The following ZNF423 variants were observed in gnomAD, a reference collection of about 807,000 sequenced individuals.
ZNF423 encodes the protein zinc finger protein 423.
ZNF423 carries 12 observed loss-of-function variants against 95.8 expected under a neutral mutation model. The ratio of observed to expected loss-of-function variants is 0.13; its 90% CI spans 0.08 to 0.20. The LOEUF (loss-of-function observed/expected upper bound fraction) is 0.20. Ranked by LOEUF, ZNF423 falls within the 10% of genes least tolerant of loss-of-function variation. The probability of loss-of-function intolerance (pLI) is 1.00; values close to 1 mark genes in which losing one functional copy is unlikely to be tolerated. For synonymous variants in ZNF423, 749 were observed against 711.9 expected (o/e 1.05, Z -0.83); for missense variants, 1,316 against 1,737.1 (o/e 0.76, Z 4.31).
At chr16:49,514,650 C>G (rs558786550) in intron 7 of ZNF423, among the ~76,000 whole-genome samples, 1 of 152,166 alleles carries the variant, frequency 6.6e-6, no homozygotes, top group Non-Finnish European at 1.5e-5. Context: ...TGCTTTTAAT[C>G]AATTGTAATC....
chr16:49,644,193 C>T (rs1973081448), intron 3 of ZNF423, among the ~76,000 whole-genome samples: 1 of 152,228 alleles, frequency 6.6e-6, no homozygotes, highest in African/African-American at 2.4e-5. Context: ...CAGTGGGGGG[C>T]ACACATGGAA....
chr16:49,636,743 G>A lies in ZNF423; in HGVS notation c.2433C>T (p.His811=), dbSNP rs1182978338. 8 of 1,614,006 alleles carry A rather than the reference G, an allele frequency of 5.0e-6. No individual in the cohort carries two copies. The highest frequency in any genetic ancestry group is 5.9e-6 in the Non-Finnish European group (7 of 1,180,038). The change falls in exon 4 of 8, where the codon CAC becomes CAT. Residue 811 remains histidine (H), a synonymous_variant. Transcript: ENST00000563137. This position sits in a 1 kb window ranked among gnomAD's most constrained non-coding sequence, Gnocchi z 8.6. ...EVELQCHITT[H]SKKYNCKFCS... Reference sequence around the variant, plus strand: ...AGAACTTACAGTTATACTTCTTGCTGTGTGTGGTGATGTGGCACTGCAGCT... The same window carrying A: ...AGAACTTACAGTTATACTTCTTGCTATGTGTGGTGATGTGGCACTGCAGCT...
chr16:49,707,443 G>A (rs183141155), intron 3 of ZNF423, among the ~76,000 whole-genome samples: 128 of 152,020 alleles, frequency 8.4e-4, no homozygotes, highest in Middle Eastern at 3.4e-3. Context: ...TTGAAACCCC[G>A]TCTCTAATAA....
At chr16:49,691,576 C>CA (rs2031783578) in intron 3 of ZNF423, among the ~76,000 whole-genome samples, 1 of 151,946 alleles carries the variant, frequency 6.6e-6, no homozygotes, top group Non-Finnish European at 1.5e-5. Context: ...ACTAAACATA[C>CA]AAAAAATTAG....
At chr16:49,594,943 G>A (rs1971135540) in intron 5 of ZNF423, among the ~76,000 whole-genome samples, 1 of 152,160 alleles carries the variant, frequency 6.6e-6, no homozygotes, top group African/African-American at 2.4e-5. Flanking sequence ...ACTGGACCTT[G>A]GTCAGTTGCT....
intron 2 of ZNF423, among the ~76,000 whole-genome samples, chr16:49,768,252 G>A (rs1270460663): frequency 1.3e-5 from 2 of 152,310 alleles, no homozygotes; most frequent in Admixed American, 6.5e-5. Context: ...GGGGCGCGGC[G>A]CGGACACCCC....
In ZNF423 at chr16:49,638,063, G is replaced by A. The variant is rs149688169; in HGVS notation, c.1113C>T (p.Ser371=). The A allele has an allele frequency of 6.7e-5, 108 of 1,613,900 alleles. No individual in the cohort carries two copies. The African/African-American group carries it at 9.6e-4, about 14-fold the overall frequency. The stretch of plus-strand genomic sequence containing the variant: ...GTGTGGCGCTGCTCATGGAGGCCAC[G>A]CTGCCCAGTACAGGGTCGGGACTGA... ...HSVSPDPVLG[S]VASMSSATPD... The change falls in exon 4 of 8, where the codon AGC becomes AGT. Residue 371 remains serine, a synonymous_variant. Coordinates refer to ENST00000563137, the MANE Select transcript of ZNF423 (RefSeq NM_001379286.1). The surrounding 1 kb of genome is among the most constrained non-coding windows in gnomAD (Gnocchi z 5.6).
chr16:49,567,946 T>C (rs1642118750), intron 5 of ZNF423, among the ~76,000 whole-genome samples: 1 of 152,132 alleles, frequency 6.6e-6, no homozygotes, highest in Non-Finnish European at 1.5e-5. Flanking sequence ...GCATCCATTC[T>C]CCCTCCTTTT....
intron 1 of ZNF423, among the ~76,000 whole-genome samples, chr16:49,817,170 C>T (rs1597036781): frequency 2.6e-5 from 4 of 152,308 alleles, no homozygotes; most frequent in East Asian, 1.9e-4. Context: ...AGCTGGGGCA[C>T]GCCTGAGGCT....
At chr16:49,534,018 CATG>C (rs1597065034) in intron 5 of ZNF423, among the ~76,000 whole-genome samples, 2 of 152,068 alleles carry the variant, frequency 1.3e-5, no homozygotes, top group Non-Finnish European at 2.9e-5. Context: ...ATTAGCCAGG[CATG>C]GTGGTGGGTG....
At chr16:49,557,351 G>A (rs769681146) in intron 5 of ZNF423, among the ~76,000 whole-genome samples, 14 of 152,206 alleles carry the variant, frequency 9.2e-5, no homozygotes, top group Non-Finnish European at 1.3e-4. Flanking sequence ...CCTCCTCCCC[G>A]GGTTGGCTGT....
At chr16:49,582,209 A>T (rs1970697174) in intron 5 of ZNF423, among the ~76,000 whole-genome samples, 1 of 151,988 alleles carries the variant, frequency 6.6e-6, no homozygotes, top group African/African-American at 2.4e-5. Flanking sequence ...ATGAGATCCT[A>T]CTCTGTTCCC....
chr16:49,810,949 G>A (rs1295329723), intron 1 of ZNF423, among the ~76,000 whole-genome samples: 2 of 152,172 alleles, frequency 1.3e-5, no homozygotes. Context: ...GGCTAAGGAG[G>A]GGCATCAGGG....
At chr16:49,624,368 T>G (rs946320996) in intron 5 of ZNF423, among the ~76,000 whole-genome samples, 7 of 152,020 alleles carry the variant, frequency 4.6e-5, no homozygotes, top group Non-Finnish European at 5.9e-5. Flanking sequence ...CTGGCCAACA[T>G]AGTGAAACCC....
intron 1 of ZNF423, among the ~76,000 whole-genome samples, chr16:49,800,591 C>CAG (rs1216178265): frequency 1.3e-5 from 2 of 152,150 alleles, no homozygotes; most frequent in African/African-American, 4.8e-5. Context: ...CACACACACA[C>CAG]ACACACACTC....
chr16:49,512,293 A>G (rs113139396), intron 7 of ZNF423, among the ~76,000 whole-genome samples: 2,791 of 152,046 alleles, frequency 0.018, 79 homozygotes, highest in African/African-American at 0.064. Context: ...AAAGCCCACC[A>G]CCTCCAGACC....
Position 49,637,498 on chromosome 16 carries a change from C to T in ZNF423, c.1678G>A (p.Val560Met), listed in dbSNP as rs750884387. The stretch of plus-strand genomic sequence containing the variant: ...ATGAAGGACTGCGTGGGCTGCACCA[C>T]CGGAGACTCTAGTTTGGCACTGCCC... ...SVGSAKLESP[V>M]VQPTQSFMEV... Residue 560 changes from valine (V) to methionine (M), a missense_variant, in exon 4 of 8, where the codon GTG (valine) becomes ATG (methionine). By Grantham distance (21) the Val-to-Met change is conservative. Coordinates refer to ENST00000563137, the MANE Select transcript of ZNF423 (RefSeq NM_001379286.1). The surrounding 1 kb of genome is among the most constrained non-coding windows in gnomAD (Gnocchi z 5.6). The T allele has an allele frequency of 3.7e-6, 6 of 1,613,896 alleles. No homozygotes were observed. The Admixed American group carries it at 8.3e-5, about 22-fold the overall frequency.
At chr16:49,652,438 T>C (rs1973442946) in intron 3 of ZNF423, among the ~76,000 whole-genome samples, 1 of 151,682 alleles carries the variant, frequency 6.6e-6, no homozygotes, top group Non-Finnish European at 1.5e-5. Context: ...GATCAACTCC[T>C]GCCAGCAAGG....
At chr16:49,662,520 A>G (rs2030294441) in intron 3 of ZNF423, among the ~76,000 whole-genome samples, 1 of 152,242 alleles carries the variant, frequency 6.6e-6, no homozygotes, top group Non-Finnish European at 1.5e-5. Flanking sequence ...CTACTCTGCC[A>G]GCCCTGTTCG....
Sources: gnomAD v4.1 joint callset for allele counts (sites outside exome capture counted in the v4.1 genomes callset) on GRCh38, gnomAD v4.1.1 for gene constraint, Gnocchi (gnomAD v3.1) non-coding constraint, MANE v1.5 for transcripts, NCBI Gene and HGNC (gene_info 2026-07-23, HGNC 2026-07-21) for gene names.